Variants in PMFBP1 observed in about 807,000 individuals in gnomAD.
PMFBP1 encodes the protein polyamine-modulated factor 1-binding protein 1.
In PMFBP1, 131 loss-of-function variants were observed where a neutral mutation model predicts 137.8. The observed-to-expected ratio is 0.95, with a 90% CI of 0.82 to 1.10. PMFBP1 has a LOEUF of 1.10. Ranked by LOEUF, PMFBP1 falls within the 50% of genes least tolerant of loss-of-function variation. The pLI, the probability that PMFBP1 is intolerant of heterozygous loss-of-function variation, is 0.00. For missense variants in PMFBP1, 1,199 were observed against 1,175.4 expected, an observed-to-expected ratio of 1.02 and a Z score of -0.29; for synonymous variants, 490 against 450.4, an observed-to-expected ratio of 1.09 and a Z score of -1.11.
the PMFBP1 span, among the ~76,000 whole-genome samples, chr16:72,238,802 G>C: frequency 6.6e-6 from 1 of 152,146 alleles, no homozygotes; most frequent in South Asian, 2.1e-4. Flanking sequence ...TTTTCAACCA[G>C]AGGTGATCTT....
the PMFBP1 span, among the ~76,000 whole-genome samples, chr16:72,218,409 C>A: frequency 6.6e-6 from 1 of 152,044 alleles, no homozygotes; most frequent in South Asian, 2.1e-4. Context: ...CTCACTGCAA[C>A]CTCCACTCCC....
intron 19 of PMFBP1, among the ~76,000 whole-genome samples, chr16:72,120,783 G>T (rs4788605): frequency 0.13 from 19,136 of 152,172 alleles, 1,695 homozygotes; most frequent in South Asian, 0.18. Context: ...GACTTCCCAC[G>T]TTGGAATTGT....
At chr16:72,243,525 T>A in the PMFBP1 span, among the ~76,000 whole-genome samples, 1 of 152,208 alleles carries the variant, frequency 6.6e-6, no homozygotes, top group African/African-American at 2.4e-5. Flanking sequence ...AAATTGGAGA[T>A]TTGTCATTTC....
intron 3 of PMFBP1, among the ~76,000 whole-genome samples, chr16:72,154,977 C>T (rs2042959831): frequency 1.3e-5 from 2 of 152,150 alleles, no homozygotes; most frequent in Admixed American, 1.3e-4. Context: ...GACTCTGTCT[C>T]CTTCTCCTGA....
chr16:72,131,603 G>A (rs992956873), intron 10 of PMFBP1, among the ~76,000 whole-genome samples: 6 of 152,134 alleles, frequency 3.9e-5, no homozygotes, highest in Non-Finnish European at 8.8e-5. Context: ...ACTGAGGAAC[G>A]AGTAAGAAGG....
the PMFBP1 span, among the ~76,000 whole-genome samples, chr16:72,211,696 A>T: frequency 5.3e-5 from 8 of 152,220 alleles, no homozygotes; most frequent in Admixed American, 5.2e-4. Flanking sequence ...CTTAGAATTT[A>T]AAAATAGAAT....
At chr16:72,212,371 T>C in the PMFBP1 span, among the ~76,000 whole-genome samples, 62 of 152,106 alleles carry the variant, frequency 4.1e-4, no homozygotes, top group African/African-American at 1.4e-3. Context: ...AGGATAAACC[T>C]GTCTAGAAGA....
At chr16:72,127,603 G>C (rs2042480913) in intron 14 of PMFBP1, among the ~76,000 whole-genome samples, 1 of 152,168 alleles carries the variant, frequency 6.6e-6, no homozygotes, top group South Asian at 2.1e-4. Context: ...GGTTTAGCTT[G>C]GAGAAAGATT....
At chr16:72,150,548 AG>A (rs1226705504) in intron 5 of PMFBP1, 59 bp downstream of exon 5, 2 of 1,534,756 alleles carry the variant, frequency 1.3e-6, no homozygotes, top group Non-Finnish European at 1.8e-6. Context: ...GGACTGTCTG[AG>A]GGGACCACCT....
the PMFBP1 span, among the ~76,000 whole-genome samples, chr16:72,198,015 G>A: frequency 1.3e-5 from 2 of 152,150 alleles, no homozygotes; most frequent in East Asian, 1.9e-4. Context: ...ATCATTCTTC[G>A]TTGGGGGCAC....
chr16:72,164,540 A>C, intron 3 of PMFBP1: 2 of 1,340,150 alleles, frequency 1.5e-6, no homozygotes, highest in Admixed American at 4.0e-5. Flanking sequence ...CCTAGGATGT[A>C]CATGACCTTG....
chr16:72,157,496 G>A (rs1479138569), intron 3 of PMFBP1, among the ~76,000 whole-genome samples: 2 of 152,176 alleles, frequency 1.3e-5, no homozygotes, highest in African/African-American at 4.8e-5. Context: ...CATGCCTGGT[G>A]GTATTTGAGG....
chr16:72,203,636 T>G, the PMFBP1 span, among the ~76,000 whole-genome samples: 33,455 of 151,910 alleles, frequency 0.22, 4,152 homozygotes, highest in South Asian at 0.42. Context: ...GTGGCCACTT[T>G]CTAATTATAT....
chr16:72,140,928 CTT>C (rs35908141), intron 5 of PMFBP1, among the ~76,000 whole-genome samples: 2 of 69,794 alleles, frequency 2.9e-5, no homozygotes, highest in African/African-American at 1.2e-4. Flanking sequence ...ACAAATGAGT[CTT>C]TTTTTTTTTT....
the PMFBP1 span, among the ~76,000 whole-genome samples, chr16:72,201,880 G>A: frequency 6.6e-6 from 1 of 152,102 alleles, no homozygotes; most frequent in Non-Finnish European, 1.5e-5. Context: ...CCTTCACCAA[G>A]ACCACTTCCT....
Position 72,130,252 on chromosome 16 carries a change from A to G in PMFBP1, c.1743T>C (p.Asp581=), listed in dbSNP as rs1376351189. ...RQLQKTVAEQ[D]MKMNDMLDRI... is the part of the protein sequence containing the mutation. ...GATCAAGCATGTCATTCATTTTCAT[A>G]TCCTGCTCAGCCACTGTCTTCTGAA... is the stretch of plus-strand genomic sequence containing the variant. Residue 581 remains aspartate, a synonymous_variant, in exon 12 of 21, where the codon GAT becomes GAC. Transcript: ENST00000237353. 2 of 1,614,074 alleles carry G rather than the reference A, an allele frequency of 1.2e-6. No homozygotes were observed. The highest frequency in any genetic ancestry group is 3.3e-5 in the Admixed American group (2 of 60,004).
chr16:72,213,977 T>C, the PMFBP1 span, among the ~76,000 whole-genome samples: 1,749 of 152,248 alleles, frequency 0.011, 15 homozygotes, highest in Non-Finnish European at 0.017. Flanking sequence ...CAAGGAGTGA[T>C]AGGTGGAATG....
intron 7 of PMFBP1, among the ~76,000 whole-genome samples, chr16:72,137,094 C>A (rs1454857164): frequency 1.3e-5 from 2 of 152,164 alleles, no homozygotes; most frequent in East Asian, 3.9e-4. Flanking sequence ...TGTCCATTGT[C>A]TCCCAATGAA....
At chr16:72,213,199 G>GC in the PMFBP1 span, among the ~76,000 whole-genome samples, 3 of 150,736 alleles carry the variant, frequency 2.0e-5, no homozygotes, top group South Asian at 2.1e-4. Context: ...CAAGAGCCCG[G>GC]GGGGGGGTGG....
Sources: gnomAD v4.1 joint callset for allele counts (sites outside exome capture counted in the v4.1 genomes callset) on GRCh38, gnomAD v4.1.1 for gene constraint, MANE v1.5 for transcripts, NCBI Gene and HGNC (gene_info 2026-07-23, HGNC 2026-07-21) for gene names.